FAM13C: variants seen among roughly 807,000 people sequenced by gnomAD.
The protein encoded by FAM13C is protein FAM13C.
In FAM13C, 37 loss-of-function variants were observed where a neutral mutation model predicts 73.2. The observed-to-expected ratio is 0.51, with a 90% CI of 0.39 to 0.67. FAM13C has a LOEUF of 0.67. FAM13C is among the 30% of genes least tolerant of loss of function. FAM13C has a pLI of 0.00. For missense variants in FAM13C, 589 were observed against 715.6 expected (o/e 0.82, Z 2.02); for synonymous variants, 246 against 260.9 (o/e 0.94, Z 0.55).
chr10:59,251,158 G>C (rs1841335995), intron 13 of FAM13C: 1 of 212,574 alleles, frequency 4.7e-6, no homozygotes, highest in Admixed American at 5.8e-5. Flanking sequence ...TGACTTTTAA[G>C]GAAGACATTT....
chr10:59,310,198 A>C (rs1848757730), intron 4 of FAM13C, among the ~76,000 whole-genome samples: 1 of 152,220 alleles, frequency 6.6e-6, no homozygotes, highest in Non-Finnish European at 1.5e-5. Flanking sequence ...ATTCCACTGC[A>C]TAAAAAATTG....
intron 3 of FAM13C, among the ~76,000 whole-genome samples, chr10:59,349,017 A>G (rs890633090): frequency 6.6e-6 from 1 of 152,198 alleles, no homozygotes; most frequent in African/African-American, 2.4e-5. Context: ...CAGAAATAAC[A>G]TTCCTTGACT....
intron 4 of FAM13C, among the ~76,000 whole-genome samples, chr10:59,314,702 A>T (rs1026865706): frequency 2.6e-5 from 4 of 152,048 alleles, no homozygotes; most frequent in African/African-American, 9.7e-5. Flanking sequence ...ACCCCCACTT[A>T]AATGGGTCTT....
intron 4 of FAM13C, among the ~76,000 whole-genome samples, chr10:59,314,176 A>G (rs1340833017): frequency 6.6e-6 from 1 of 152,140 alleles, no homozygotes; most frequent in Non-Finnish European, 1.5e-5. Context: ...AGAAGAGAGA[A>G]CACTAGCAGC....
In FAM13C at chr10:59,275,093, G is replaced by A. The variant is rs184053917; in HGVS notation, c.593-4984C>T. Among the ~76,000 whole-genome samples, 107 of 152,294 alleles carry A rather than the reference G, an allele frequency of 7.0e-4. 1 individual carries two copies. Among genetic ancestry groups the A allele is most frequent in the African/African-American group, 2.3e-3 (96 of 41,568 alleles). On this transcript the variant is annotated intron_variant, in intron 6 of 13. Coordinates refer to ENST00000618804, the MANE Select transcript of FAM13C (RefSeq NM_198215.4). Reference sequence around the variant, plus strand: ...GATGACAAAAGCTATTTTCAAATGGGAGTTTTCATTTATGAGCAGAAGCAC... The same window carrying A: ...GATGACAAAAGCTATTTTCAAATGGAAGTTTTCATTTATGAGCAGAAGCAC...
chr10:59,323,202 A>C (rs913730110), intron 4 of FAM13C: 1 of 152,302 alleles, frequency 6.6e-6, no homozygotes, highest in Non-Finnish European at 1.5e-5. Flanking sequence ...ACAAGATCCT[A>C]CAAAGACAGC....
intron 5 of FAM13C, among the ~76,000 whole-genome samples, chr10:59,300,021 C>G (rs1847392581): frequency 6.6e-6 from 1 of 152,098 alleles, no homozygotes. Context: ...ATACTCATGC[C>G]AAGTGGAAAC....
At chr10:59,295,984 T>C (rs1369563725) in intron 5 of FAM13C, among the ~76,000 whole-genome samples, 1 of 152,182 alleles carries the variant, frequency 6.6e-6, no homozygotes, top group African/African-American at 2.4e-5. Context: ...AGATACTTTT[T>C]AAAACACCCT....
Position 59,352,354 on chromosome 10 carries a change from C to A in FAM13C, c.240G>T (p.Leu80Phe). The A allele has an allele frequency of 6.2e-7, 1 of 1,614,184 alleles. No homozygotes were observed. The highest frequency in any genetic ancestry group is 8.5e-7 in the Non-Finnish European group (1 of 1,180,044). Residue 80 changes from leucine to phenylalanine, a missense_variant, in exon 3 of 14, where the codon TTG becomes TTT. Transcript: ENST00000618804. ...VEATVLVDSV[L>F]RPSMGNFKSR... ...ACTTGAAGTTGCCCATGCTGGGTCG[C>A]AATACGCTGTCCACCAGCACGGTCG...
chr10:59,271,544 CT>C (rs1212873328), intron 6 of FAM13C, among the ~76,000 whole-genome samples: 3 of 152,166 alleles, frequency 2.0e-5, no homozygotes, highest in Admixed American at 1.3e-4. Context: ...ATGGCAGTGC[CT>C]CCAGCCCAAG....
chr10:59,251,102 T>C (rs558926146), intron 13 of FAM13C: 55 of 166,550 alleles, frequency 3.3e-4, no homozygotes, highest in African/African-American at 1.3e-3. Context: ...AGAATGACTA[T>C]GAATTTTTGA....
intron 8 of FAM13C, 145 bp from the exon 9 acceptor site, chr10:59,264,311 T>G: frequency 1.6e-6 from 1 of 615,018 alleles, no homozygotes; most frequent in East Asian, 2.8e-5. Context: ...GGAGAGAAAT[T>G]CGGGTGTGAA....
At chr10:59,339,164 C>T (rs533646158) in intron 3 of FAM13C, among the ~76,000 whole-genome samples, 4 of 152,148 alleles carry the variant, frequency 2.6e-5, no homozygotes, top group South Asian at 4.2e-4. Context: ...GGACACCAGG[C>T]GTTGGCTTTA....
At chr10:59,253,250 C>G (rs1841584306) in intron 11 of FAM13C, among the ~76,000 whole-genome samples, 1 of 152,206 alleles carries the variant, frequency 6.6e-6, no homozygotes, top group African/African-American at 2.4e-5. Flanking sequence ...TCTGTGTCTT[C>G]TGGGCCAATG....
chr10:59,349,411 G>T (rs1027991222), intron 3 of FAM13C, among the ~76,000 whole-genome samples: 1 of 152,314 alleles, frequency 6.6e-6, no homozygotes. Context: ...TAGAACTTTA[G>T]TGGAGAAGCA....
At chr10:59,286,439 C>A (rs890736720) in intron 5 of FAM13C, among the ~76,000 whole-genome samples, 1 of 149,988 alleles carries the variant, frequency 6.7e-6, no homozygotes, top group Non-Finnish European at 1.5e-5. Flanking sequence ...TGCTTGAACC[C>A]GGGAGTTTGG....
chr10:59,249,572 C>T (rs1841163911), intron 13 of FAM13C, among the ~76,000 whole-genome samples: 1 of 152,082 alleles, frequency 6.6e-6, no homozygotes, highest in Admixed American at 6.6e-5. Context: ...ATTCTCATGC[C>T]TCTTGTATGG....
At chr10:59,286,786 C>A (rs7896149) in intron 5 of FAM13C, among the ~76,000 whole-genome samples, 29,969 of 150,926 alleles carry the variant, frequency 0.2, 3,654 homozygotes, top group African/African-American at 0.33. Context: ...GTAATCCCAG[C>A]ACTTTGGGAG....
chr10:59,262,519 C>T lies in FAM13C; in HGVS notation c.1151G>A (p.Ser384Asn). ...ATCTGGAGTCTCTTCTCCAGAGGAG[C>T]TTGGCTCCGGGCCCGCAGCTTCCGG... is the stretch of plus-strand genomic sequence containing the variant. Reference protein sequence around the residue: ...GKPEAAGPEPSSSGEETPDAA... With the variant: ...GKPEAAGPEPNSSGEETPDAA... Residue 384 changes from serine to asparagine, a missense_variant, in exon 10 of 14, where the codon AGC (serine) becomes AAC (asparagine). Coordinates refer to ENST00000618804, the MANE Select transcript of FAM13C (RefSeq NM_198215.4). 6.2e-7 allele frequency: 1 copy of T among 1,613,778 alleles called. No individual in the cohort carries two copies. The highest frequency in any genetic ancestry group is 8.5e-7 in the Non-Finnish European group (1 of 1,179,790).
Sources: allele counts gnomAD v4.1 joint callset (sites outside exome capture counted in the v4.1 genomes callset), GRCh38; gene constraint gnomAD v4.1.1; transcripts MANE v1.5; gene names NCBI Gene and HGNC (gene_info 2026-07-23, HGNC 2026-07-21).